CRK: variants seen among roughly 807,000 people sequenced by gnomAD.
The protein encoded by CRK is CRK proto-oncogene, adaptor protein.
CRK carries 4 observed loss-of-function variants against 29.8 expected under a neutral mutation model. The observed-to-expected ratio is 0.13, with a 90% CI of 0.07 to 0.31. The LOEUF (loss-of-function observed/expected upper bound fraction) is 0.31, where lower values mean the gene tolerates loss of function less well. Among genes scored for constraint, CRK ranks in the 10% least tolerant of loss-of-function variants. The probability of loss-of-function intolerance (pLI) is 1.00; values close to 1 mark genes in which losing one functional copy is unlikely to be tolerated. For missense variants in CRK, 274 were observed against 396.5 expected, an observed-to-expected ratio of 0.69 and a Z score of 2.62; for synonymous variants, 153 against 164.9, an observed-to-expected ratio of 0.93 and a Z score of 0.55.
rs563365003 is a variant in CRK, at chr17:1,443,942, C to T, written c.242-6787G>A. On this transcript the variant is annotated intron_variant, in intron 1 of 2. Transcript: ENST00000300574. ...GTCTTGAACTCCTGACCTTGTGATC[C>T]GCCCGCCTCGGCCTCCCAAAGTGCT... Among the ~76,000 whole-genome samples the T allele has an allele frequency of 4.0e-5, 6 of 151,724 alleles. No individual in the cohort carries two copies. The South Asian group carries it at 6.3e-4, about 16-fold the overall frequency.
Position 1,456,198 on chromosome 17 carries a change from G to C in CRK, c.-81C>G. The C allele has an allele frequency of 3.7e-6, 5 of 1,351,574 alleles. No individual in the cohort carries two copies. The highest frequency in any genetic ancestry group is 4.7e-6 in the Non-Finnish European group (5 of 1,056,908). 83.7% of individuals were successfully genotyped at this position (1,351,574 alleles called of 1,614,324 possible). ...CCCGGCGCCCGCCGCCCAGCGGACC[G>C]GCTCCGGTTTCAGCTTCACAGCAGC... is the stretch of plus-strand genomic sequence containing the variant. On this transcript the variant is annotated 5_prime_UTR_variant, in exon 1 of 3. Coordinates refer to ENST00000300574, the MANE Select transcript of CRK (RefSeq NM_016823.4).
In CRK at chr17:1,420,995, G is replaced by T. The variant is rs1444683539; in HGVS notation, c.*2518C>A. 6.6e-6 allele frequency: 1 copy of T among 152,094 alleles called. No homozygotes were observed. The highest frequency in any genetic ancestry group is 1.5e-5 in the Non-Finnish European group (1 of 68,032). 9.4% of individuals were successfully genotyped at this position (152,094 alleles called of 1,614,324 possible). On this transcript the variant is annotated 3_prime_UTR_variant, in exon 3 of 3. Transcript: ENST00000300574. ...TAAGAATTAACCATGTCAAATATTA[G>T]TATTCAAAAAATGGGATTTGCAGAA... is the stretch of plus-strand genomic sequence containing the variant.
intron 2 of CRK, 64 bp downstream of exon 2, chr17:1,436,548 ACAAAGCTC>A: frequency 6.8e-7 from 1 of 1,474,708 alleles, no homozygotes; most frequent in South Asian, 1.4e-5. Flanking sequence ...CAGCATTGCT[ACAAAGCTC>A]TAAGAGGACC....
chr17:1,422,908 A>T lies in CRK; in HGVS notation c.*605T>A. 2.5e-6 allele frequency: 1 copy of T among 399,028 alleles called. No individual in the cohort carries two copies. The highest frequency in any genetic ancestry group is 4.4e-6 in the Non-Finnish European group (1 of 226,114). 24.7% of individuals were successfully genotyped at this position (399,028 alleles called of 1,614,324 possible). Reference sequence around the variant, plus strand: ...TACAGGTTTGGGGGACAAGAATGTCAAGGGCTAAAAGAATCCCAAGAAAAA... The same window carrying T: ...TACAGGTTTGGGGGACAAGAATGTCTAGGGCTAAAAGAATCCCAAGAAAAA... On this transcript the variant is annotated 3_prime_UTR_variant, in exon 3 of 3. Coordinates refer to ENST00000300574, the MANE Select transcript of CRK (RefSeq NM_016823.4).
chr17:1,445,656 A>C (rs895049641), intron 1 of CRK, among the ~76,000 whole-genome samples: 1 of 152,158 alleles, frequency 6.6e-6, no homozygotes, highest in Non-Finnish European at 1.5e-5. Flanking sequence ...CCATTAGGCT[A>C]ATTCTGGGTG....
At chr17:1,442,592 G>C (rs141862143) in intron 1 of CRK, among the ~76,000 whole-genome samples, 1 of 146,618 alleles carries the variant, frequency 6.8e-6, no homozygotes, top group African/African-American at 2.5e-5. Flanking sequence ...GATTTTTCTT[G>C]TGTGTGAAAG....
intron 1 of CRK, among the ~76,000 whole-genome samples, chr17:1,440,197 G>A (rs538862047): frequency 6.6e-6 from 1 of 152,030 alleles, no homozygotes; most frequent in African/African-American, 2.4e-5. Context: ...TGCTAGGGAG[G>A]CTGAGGCAGG....
chr17:1,437,193 C>G, intron 1 of CRK, 38 bp from the exon 2 acceptor site: 1 of 1,529,174 alleles, frequency 6.5e-7, no homozygotes, highest in Non-Finnish European at 8.8e-7. Flanking sequence ...TAATGATGTA[C>G]TACACTGGAA....
intron 2 of CRK, among the ~76,000 whole-genome samples, chr17:1,426,799 T>C (rs956510371): frequency 2.0e-5 from 3 of 151,364 alleles, no homozygotes; most frequent in Non-Finnish European, 4.4e-5. Flanking sequence ...GAAGAGGAGG[T>C]TGCAGTGAGC....
Position 1,453,013 on chromosome 17 carries a change from T to A in CRK, c.241+2864A>T, listed in dbSNP as rs117456111. Among the ~76,000 whole-genome samples the A allele has an allele frequency of 3.4e-3, 510 of 152,180 alleles. 5 individuals carry two copies. Among genetic ancestry groups the A allele is most frequent in the East Asian group, 0.011 (59 of 5,176 alleles). Reference sequence around the variant, plus strand: ...GTCCCAGCTACTCAGGAGGATGAAGTGGGAGGATGGCTTGAGCCCAGGAGG... The same window carrying A: ...GTCCCAGCTACTCAGGAGGATGAAGAGGGAGGATGGCTTGAGCCCAGGAGG... On this transcript the variant is annotated intron_variant, in intron 1 of 2. Coordinates refer to ENST00000300574, the MANE Select transcript of CRK (RefSeq NM_016823.4).
At chr17:1,448,014 C>T (rs576462740) in intron 1 of CRK, among the ~76,000 whole-genome samples, 32 of 152,158 alleles carry the variant, frequency 2.1e-4, no homozygotes, top group Non-Finnish European at 2.6e-4. Context: ...CAATACAAAA[C>T]GCTAAAAAGG....
chr17:1,449,859 C>G (rs945248190), intron 1 of CRK, among the ~76,000 whole-genome samples: 1 of 152,134 alleles, frequency 6.6e-6, no homozygotes, highest in Non-Finnish European at 1.5e-5. Context: ...ACAGGTTCAA[C>G]GGAAAAGGCT....
At chr17:1,444,773 C>T (rs1374658864) in intron 1 of CRK, among the ~76,000 whole-genome samples, 3 of 148,368 alleles carry the variant, frequency 2.0e-5, no homozygotes, top group South Asian at 2.1e-4. Flanking sequence ...GTGGAGGCTG[C>T]GGTGAGCTGA....
chr17:1,430,824 T>G (rs896346888), intron 2 of CRK, among the ~76,000 whole-genome samples: 1 of 151,424 alleles, frequency 6.6e-6, no homozygotes, highest in African/African-American at 2.4e-5. Flanking sequence ...TCCCAGCACT[T>G]TGGGAGGCCG....
At chr17:1,451,321 C>A (rs1311450655) in intron 1 of CRK, among the ~76,000 whole-genome samples, 2 of 151,896 alleles carry the variant, frequency 1.3e-5, no homozygotes, top group African/African-American at 4.8e-5. Flanking sequence ...ACCTCTGCCT[C>A]CGGGGTTCAA....
intron 2 of CRK, among the ~76,000 whole-genome samples, chr17:1,436,127 G>A (rs529199864): frequency 1.2e-4 from 19 of 152,090 alleles, no homozygotes; most frequent in Admixed American, 2.0e-4. Flanking sequence ...CCTCTACTAG[G>A]CCTATTTCCT....
intron 1 of CRK, among the ~76,000 whole-genome samples, chr17:1,448,984 GA>G (rs1292535195): frequency 6.6e-6 from 1 of 152,100 alleles, no homozygotes; most frequent in Non-Finnish European, 1.5e-5. Context: ...AGCTATGACG[GA>G]GCCACTGCAC....
chr17:1,445,554 G>A (rs1316254164), intron 1 of CRK, among the ~76,000 whole-genome samples: 1 of 152,190 alleles, frequency 6.6e-6, no homozygotes, highest in African/African-American at 2.4e-5. Context: ...GCTATATTCT[G>A]GAGATTCTCT....
At chr17:1,444,166 A>G (rs117885076) in intron 1 of CRK, among the ~76,000 whole-genome samples, 2,963 of 152,034 alleles carry the variant, frequency 0.019, 51 homozygotes, top group East Asian at 0.091. Flanking sequence ...TTTGCTGCCC[A>G]AGCTAAACTG....
Sources: allele counts gnomAD v4.1 joint callset (sites outside exome capture counted in the v4.1 genomes callset), GRCh38; gene constraint gnomAD v4.1.1; transcripts MANE v1.5; gene names NCBI Gene and HGNC (gene_info 2026-07-23, HGNC 2026-07-21).